Variants in SSPN observed in about 807,000 individuals in gnomAD.
SSPN encodes K-ras oncogene-associated protein.
In SSPN, 15 loss-of-function variants were observed where a neutral mutation model predicts 19.1. The observed-to-expected ratio is 0.78, with a 90% confidence interval of 0.52 to 1.21. The LOEUF is 1.21. Ranked by LOEUF, SSPN falls within the 50% of genes most tolerant of loss-of-function variation. The pLI is 0.00. For missense variants in SSPN, 291 were observed against 314.0 expected (o/e 0.93, Z 0.55); for synonymous variants, 147 against 140.3 (o/e 1.05, Z -0.34).
chr12:26,229,642 G>A (rs747351719), intron 2 of SSPN, among the ~76,000 whole-genome samples: 19 of 152,186 alleles, frequency 1.2e-4, no homozygotes, highest in Non-Finnish European at 2.4e-4. Flanking sequence ...ATTACTTTGT[G>A]AAGTGTCCAT....
intron 1 of SSPN, among the ~76,000 whole-genome samples, chr12:26,212,416 C>A (rs538585486): frequency 8.5e-5 from 13 of 152,230 alleles, no homozygotes; most frequent in African/African-American, 3.1e-4. Flanking sequence ...TGACTTTTCC[C>A]TGAGAAATTT....
chr12:26,123,831 G>A (rs1944336942), intron 1 of SSPN: 4 of 889,436 alleles, frequency 4.5e-6, no homozygotes, highest in Non-Finnish European at 7.6e-6. Context: ...AGCAATTTAA[G>A]CAAACACTTT....
rs74788846 is a variant in SSPN at position 26,143,308 on chromosome 12, A to C, written c.-31+21156A>C. On this transcript the variant is annotated intron_variant, in intron 1 of 2. Transcript: ENST00000538142. ...AAGCTCCTGTGTAATCATAATAGAGAAATATTAATAGCGTGCTTATTATGT... is the reference window on the plus strand; with the variant it reads ...AAGCTCCTGTGTAATCATAATAGAGCAATATTAATAGCGTGCTTATTATGT... 4.8e-4 allele frequency among the ~76,000 whole-genome samples: 73 copies of C among 152,352 alleles called. No individual in the cohort carries two copies. In the East Asian group the frequency reaches 0.012, roughly 25 times the overall value.
chr12:26,208,993 C>T (rs1944956605), intron 1 of SSPN, among the ~76,000 whole-genome samples: 1 of 150,778 alleles, frequency 6.6e-6, no homozygotes, highest in Non-Finnish European at 1.5e-5. Context: ...GGATAAGCAG[C>T]CCACCCCCAA....
chr12:26,167,624 T>C (rs779087721), intron 1 of SSPN, among the ~76,000 whole-genome samples: 2 of 152,212 alleles, frequency 1.3e-5, no homozygotes, highest in Admixed American at 6.5e-5. Context: ...AACAAGCTTA[T>C]TTACCGTCAG....
chr12:26,143,138 T>C (rs1247954980), intron 1 of SSPN, among the ~76,000 whole-genome samples: 1 of 152,210 alleles, frequency 6.6e-6, no homozygotes, highest in Non-Finnish European at 1.5e-5. Context: ...CCACTGAATA[T>C]AGCAGATATT....
chr12:26,201,526 C>CA (rs11442795), intron 1 of SSPN, among the ~76,000 whole-genome samples: 12,443 of 151,926 alleles, frequency 0.082, 968 homozygotes, highest in African/African-American at 0.2. Flanking sequence ...CCTCTACTTA[C>CA]AGCCTTCTAC....
At chr12:26,174,478 TCCTTCCTTCCTTCCTTCCTTCCTTC>T (rs1231513514) in intron 1 of SSPN, among the ~76,000 whole-genome samples, 3 of 116,518 alleles carry the variant, frequency 2.6e-5, no homozygotes, top group Non-Finnish European at 3.4e-5. Flanking sequence ...TACCCACGCT[TCCTTCCTTCCTTCCTTCCTTCCTTC>T]CCTTCCTTCC....
At chr12:26,218,336 AGGGGGGAG>A (rs1945080697) in intron 1 of SSPN, among the ~76,000 whole-genome samples, 1 of 4,438 alleles carries the variant, frequency 2.3e-4, no homozygotes, top group African/African-American at 1.5e-3. Context: ...GGGAGGGGGG[AGGGGGGAG>A]GGGGGAGGGG....
At chr12:26,127,023 A>AT (rs1944370689) in intron 1 of SSPN, among the ~76,000 whole-genome samples, 4 of 152,156 alleles carry the variant, frequency 2.6e-5, no homozygotes, top group African/African-American at 4.8e-5. Flanking sequence ...GTACTGTATC[A>AT]TTTTTACCTC....
rs191449327 is a variant in SSPN at position 26,190,111 on chromosome 12, A to T, written c.-30-34182A>T. On this transcript the variant is annotated intron_variant, in intron 1 of 2. Coordinates refer to the SSPN transcript ENST00000538142. ...CAAACTTGAGAAGGAGGATATGATG[A>T]TTTAAAAATACACCTTTAATACCCT... 2.6e-5 allele frequency among the ~76,000 whole-genome samples: 4 copies of T among 152,324 alleles called. No homozygotes were observed. In the East Asian group the frequency reaches 7.7e-4, roughly 29 times the overall value.
intron 1 of SSPN, among the ~76,000 whole-genome samples, chr12:26,145,245 G>A (rs566487190): frequency 7.2e-5 from 11 of 152,314 alleles, no homozygotes; most frequent in African/African-American, 2.6e-4. Flanking sequence ...GGGGCCTGCA[G>A]CTTTAAGGCC....
At chr12:26,207,108 G>T (rs764474275) in intron 1 of SSPN, among the ~76,000 whole-genome samples, 50 of 152,050 alleles carry the variant, frequency 3.3e-4, no homozygotes, top group Non-Finnish European at 6.0e-4. Flanking sequence ...AAGGAGAGGG[G>T]GTCTGAAATT....
intron 1 of SSPN, among the ~76,000 whole-genome samples, chr12:26,204,110 C>T (rs911216814): frequency 1.3e-5 from 2 of 152,150 alleles, no homozygotes; most frequent in Non-Finnish European, 2.9e-5. Flanking sequence ...TACATTTGCA[C>T]AGCAACCTCA....
chr12:26,186,986 C>T (rs950789127), intron 1 of SSPN, among the ~76,000 whole-genome samples: 4 of 152,198 alleles, frequency 2.6e-5, no homozygotes, highest in East Asian at 1.9e-4. Flanking sequence ...TGTTTCTCTT[C>T]GTACATTGGC....
At chr12:26,140,204 C>T (rs1591846221) in intron 1 of SSPN, among the ~76,000 whole-genome samples, 1 of 152,160 alleles carries the variant, frequency 6.6e-6, no homozygotes, top group Non-Finnish European at 1.5e-5. Flanking sequence ...CCATTCCAGC[C>T]TGGTACGTCG....
intron 1 of SSPN, among the ~76,000 whole-genome samples, chr12:26,198,168 G>T (rs866893043): frequency 8.1e-5 from 12 of 148,808 alleles, no homozygotes; most frequent in Non-Finnish European, 1.1e-4. Context: ...TTGAGTTTTG[G>T]GGGGGGGTTT....
chr12:26,175,304 T>C (rs1216662531), intron 1 of SSPN, among the ~76,000 whole-genome samples: 1 of 152,220 alleles, frequency 6.6e-6, no homozygotes, highest in Non-Finnish European at 1.5e-5. Context: ...CCAATGATAC[T>C]GAACATTTTC....
chr12:26,146,356 G>T (rs931553342), intron 1 of SSPN, among the ~76,000 whole-genome samples: 1 of 152,130 alleles, frequency 6.6e-6, no homozygotes, highest in Non-Finnish European at 1.5e-5. Flanking sequence ...TCTCACCCTC[G>T]TTCTGACTCC....
Sources: gnomAD v4.1 joint callset for allele counts (sites outside exome capture counted in the v4.1 genomes callset) on GRCh38, gnomAD v4.1.1 for gene constraint, MANE v1.5 for transcripts, NCBI Gene and HGNC (gene_info 2026-07-23, HGNC 2026-07-21) for gene names.